FSTL4: variants seen among roughly 807,000 people sequenced by gnomAD.
The protein encoded by FSTL4 is follistatin like 4, also known as follistatin-related protein 4.
In FSTL4, 28 loss-of-function variants were observed where a neutral mutation model predicts 78.2. That is an observed-to-expected ratio of 0.36 (90% CI 0.27 to 0.49). FSTL4 has a LOEUF of 0.49. FSTL4 is among the 20% of genes least tolerant of loss of function. The pLI, the probability that FSTL4 is intolerant of heterozygous loss-of-function variation, is 0.98. For missense variants in FSTL4, 922 were observed against 1,084.9 expected (o/e 0.85, Z 2.11); for synonymous variants, 422 against 440.5 (o/e 0.96, Z 0.53).
chr5:133,313,284 ACAGCACACTCC>A (rs1218036478), intron 5 of FSTL4, among the ~76,000 whole-genome samples: 1 of 152,150 alleles, frequency 6.6e-6, no homozygotes, highest in African/African-American at 2.4e-5. Context: ...CTGCCTGGAC[ACAGCACACTCC>A]CAGACCCCTC....
chr5:133,819,067 G>A, the FSTL4 span, among the ~76,000 whole-genome samples: 1 of 149,606 alleles, frequency 6.7e-6, no homozygotes, highest in African/African-American at 2.5e-5. Context: ...CACACACATA[G>A]CTTCCCCAAT....
intron 2 of FSTL4, among the ~76,000 whole-genome samples, chr5:133,579,620 A>G (rs1483287698): frequency 6.6e-6 from 1 of 152,062 alleles, no homozygotes; most frequent in African/African-American, 2.4e-5. Context: ...TATTTATTAC[A>G]CCCTCCAGGA....
chr5:133,820,049 CA>C, the FSTL4 span, among the ~76,000 whole-genome samples: 1 of 152,180 alleles, frequency 6.6e-6, no homozygotes. Context: ...CTTCTTGCTC[CA>C]AATCCTCTTC....
chr5:133,520,666 G>T (rs2562370), intron 3 of FSTL4, among the ~76,000 whole-genome samples: 4,441 of 152,230 alleles, frequency 0.029, 130 homozygotes, highest in East Asian at 0.16. Context: ...TCACAGAAGG[G>T]GTTTTTAAGA....
chr5:133,562,695 T>A, intron 3 of FSTL4, among the ~76,000 whole-genome samples: 1 of 152,108 alleles, frequency 6.6e-6, no homozygotes, highest in East Asian at 1.9e-4. Flanking sequence ...ATGACATTGG[T>A]GCTCATCCCC....
chr5:133,399,776 C>T (rs1177779488), intron 4 of FSTL4, among the ~76,000 whole-genome samples: 1 of 152,258 alleles, frequency 6.6e-6, no homozygotes, highest in Non-Finnish European at 1.5e-5. Flanking sequence ...AAAGCACATT[C>T]CTGACCTCAC....
the FSTL4 span, among the ~76,000 whole-genome samples, chr5:133,798,151 G>C: frequency 3.3e-4 from 51 of 152,316 alleles, no homozygotes; most frequent in African/African-American, 1.1e-3. Flanking sequence ...AGACCCTACT[G>C]CTCAGCATAT....
intron 2 of FSTL4, among the ~76,000 whole-genome samples, chr5:133,572,533 C>T (rs965763316): frequency 6.6e-6 from 1 of 151,970 alleles, no homozygotes; most frequent in African/African-American, 2.4e-5. Context: ...AAGAGCAATA[C>T]TTTATAGCGA....
chr5:133,299,158 G>A (rs1245692009), intron 6 of FSTL4, among the ~76,000 whole-genome samples: 1 of 152,192 alleles, frequency 6.6e-6, no homozygotes, highest in Admixed American at 6.5e-5. Flanking sequence ...GCTTACAGAG[G>A]GGCTGGGGCC....
At chr5:133,412,474 T>C (rs1453011323) in intron 3 of FSTL4, among the ~76,000 whole-genome samples, 3 of 152,256 alleles carry the variant, frequency 2.0e-5, no homozygotes, top group African/African-American at 4.8e-5. Context: ...TGAAACAACA[T>C]TGGAAACCTA....
At chr5:133,574,283 G>C (rs1157613684) in intron 2 of FSTL4, among the ~76,000 whole-genome samples, 1 of 152,144 alleles carries the variant, frequency 6.6e-6, no homozygotes, top group East Asian at 1.9e-4. Context: ...ACATATAATA[G>C]ATGACATTAA....
chr5:133,680,359 C>T, the FSTL4 span, among the ~76,000 whole-genome samples: 2 of 152,158 alleles, frequency 1.3e-5, no homozygotes, highest in African/African-American at 4.8e-5. Context: ...GGATTTCCAC[C>T]AGACGTGTAG....
At chr5:133,829,567 T>G in the FSTL4 span, among the ~76,000 whole-genome samples, 1 of 152,248 alleles carries the variant, frequency 6.6e-6, no homozygotes, top group East Asian at 1.9e-4. Context: ...TAGACACAGT[T>G]GCCAACACTC....
At chr5:133,593,646 A>G (rs1760682494) in intron 2 of FSTL4, among the ~76,000 whole-genome samples, 1 of 152,214 alleles carries the variant, frequency 6.6e-6, no homozygotes, top group South Asian at 2.1e-4. Context: ...TATGAGCACA[A>G]GTGTCCTGGG....
chr5:133,401,819 C>T (rs1036705318), intron 3 of FSTL4, among the ~76,000 whole-genome samples: 8 of 152,048 alleles, frequency 5.3e-5, no homozygotes, highest in African/African-American at 1.9e-4. Flanking sequence ...ATTTGCAGGT[C>T]TCAGGTAGAA....
chr5:133,808,851 G>A, the FSTL4 span, among the ~76,000 whole-genome samples: 7 of 76,746 alleles, frequency 9.1e-5, no homozygotes, highest in East Asian at 8.8e-4. Flanking sequence ...CTCACTCCCC[G>A]CCCCCCGCCA....
chr5:133,402,045 C>T (rs1756240644), intron 3 of FSTL4, among the ~76,000 whole-genome samples: 1 of 152,066 alleles, frequency 6.6e-6, no homozygotes, highest in Non-Finnish European at 1.5e-5. Flanking sequence ...AGAGGCTGGC[C>T]ATTTCCTTGG....
At position 133,368,479 on chromosome 5, in the gene FSTL4, C is replaced by T. The variant is rs143706861; in HGVS notation, c.409+32259G>A. 7.2e-5 allele frequency among the ~76,000 whole-genome samples: 11 copies of T among 152,340 alleles called. No individual in the cohort carries two copies. In the East Asian group the frequency reaches 1.9e-3, roughly 27 times the overall value. ...TAATGTCTCCTTGTGCTGTAATAAA[C>T]CATAACCATGAGCATAAAGGTTTTT... On this transcript the variant is annotated intron_variant, in intron 4 of 15. Coordinates refer to ENST00000265342, the MANE Select transcript of FSTL4 (RefSeq NM_015082.2).
chr5:133,629,432 C>T, the FSTL4 span, among the ~76,000 whole-genome samples: 5 of 152,134 alleles, frequency 3.3e-5, no homozygotes, highest in Non-Finnish European at 4.4e-5. Context: ...TACACCCTTC[C>T]AAGACTAAAC....
Sources: allele counts gnomAD v4.1 joint callset (sites outside exome capture counted in the v4.1 genomes callset), GRCh38; gene constraint gnomAD v4.1.1; transcripts MANE v1.5; gene names NCBI Gene and HGNC (gene_info 2026-07-23, HGNC 2026-07-21).